TEX36: variants seen among roughly 807,000 people sequenced by gnomAD.
TEX36 encodes the protein testis expressed 36.
TEX36 carries 12 observed loss-of-function variants against 13.6 expected under a neutral mutation model. The observed-to-expected ratio is 0.88, with a 90% CI of 0.56 to 1.43. The LOEUF is 1.43. Among genes scored for constraint, TEX36 ranks in the 40% most tolerant of loss-of-function variants. The pLI, the probability that TEX36 is intolerant of heterozygous loss-of-function variation, is 0.00. For synonymous variants in TEX36, 93 were observed against 83.0 expected, an observed-to-expected ratio of 1.12 and a Z score of -0.65; for missense variants, 224 against 228.3, an observed-to-expected ratio of 0.98 and a Z score of 0.12.
At chr10:125,594,112 G>A (rs1047489548) in intron 3 of TEX36, among the ~76,000 whole-genome samples, 1 of 152,120 alleles carries the variant, frequency 6.6e-6, no homozygotes, top group Non-Finnish European at 1.5e-5. Flanking sequence ...GAAGGACCCA[G>A]CTGCCATCTG....
chr10:125,637,518 C>T (rs1300759021), intron 3 of TEX36, among the ~76,000 whole-genome samples: 1 of 152,050 alleles, frequency 6.6e-6, no homozygotes, highest in African/African-American at 2.4e-5. Flanking sequence ...CACATCTTAG[C>T]GATTGTGAAC....
intron 3 of TEX36, among the ~76,000 whole-genome samples, chr10:125,612,496 T>C (rs145159237): frequency 1.1e-3 from 165 of 152,338 alleles, no homozygotes; most frequent in Non-Finnish European, 2.0e-3. Context: ...TCAGCTAATA[T>C]ACATATATAC....
chr10:125,636,201 GA>G (rs1846621553), intron 3 of TEX36, among the ~76,000 whole-genome samples: 1 of 139,384 alleles, frequency 7.2e-6, no homozygotes, highest in African/African-American at 3.0e-5. Context: ...TGTGTTTGCT[GA>G]ATTTTTTTTT....
At chr10:125,635,544 G>C (rs1417070636) in intron 3 of TEX36, among the ~76,000 whole-genome samples, 2 of 152,188 alleles carry the variant, frequency 1.3e-5, no homozygotes, top group Non-Finnish European at 1.5e-5. Flanking sequence ...CCCTGCAACA[G>C]TGCTCTGCAT....
At chr10:125,617,375 G>T (rs185756650), downstream of TEX36, among the ~76,000 whole-genome samples, 2 of 152,072 alleles carry the variant, frequency 1.3e-5, no homozygotes, top group Admixed American at 6.6e-5. Context: ...CAGTTTCTTC[G>T]TGGTCTTGAT....
intron 3 of TEX36, among the ~76,000 whole-genome samples, chr10:125,579,672 T>G (rs141625315): frequency 5.3e-5 from 8 of 152,216 alleles, no homozygotes; most frequent in African/African-American, 1.7e-4. Context: ...GGGGGTGGAT[T>G]TCCTCCTTGC....
chr10:125,633,652 T>G (rs1846588059), intron 3 of TEX36, among the ~76,000 whole-genome samples: 1 of 152,196 alleles, frequency 6.6e-6, no homozygotes, highest in Non-Finnish European at 1.5e-5. Flanking sequence ...TTTTTCCCAC[T>G]GAACATTATC....
chr10:125,593,532 C>T (rs1467458474), intron 3 of TEX36, among the ~76,000 whole-genome samples: 1 of 152,104 alleles, frequency 6.6e-6, no homozygotes, highest in Non-Finnish European at 1.5e-5. Context: ...TTCAAACAGG[C>T]TAATACATTA....
At chr10:125,634,055 GT>G (rs1225517356) in intron 3 of TEX36, among the ~76,000 whole-genome samples, 1 of 152,058 alleles carries the variant, frequency 6.6e-6, no homozygotes, top group African/African-American at 2.4e-5. Flanking sequence ...CAGGGAGGTT[GT>G]TTCTGGCTTT....
intron 3 of TEX36, among the ~76,000 whole-genome samples, chr10:125,599,598 G>A (rs1030845197): frequency 1.3e-5 from 2 of 152,238 alleles, no homozygotes; most frequent in Non-Finnish European, 2.9e-5. Flanking sequence ...GAAAGATGGC[G>A]CATATGAGCA....
intron 3 of TEX36, among the ~76,000 whole-genome samples, chr10:125,577,102 G>C (rs184087350): frequency 3.9e-5 from 6 of 152,336 alleles, no homozygotes; most frequent in African/African-American, 1.2e-4. Flanking sequence ...CTGACTGGAA[G>C]GATGGGGTAC....
chr10:125,626,657 G>A (rs114055520), intron 3 of TEX36, among the ~76,000 whole-genome samples: 1,574 of 152,288 alleles, frequency 0.01, 22 homozygotes, highest in South Asian at 0.051. Flanking sequence ...AGACACAGAG[G>A]CCATGAAGTG....
At position 125,626,097 on chromosome 10, in the gene TEX36, A is replaced by G. The variant is rs995233433; in HGVS notation, c.265-4452T>C. Among the ~76,000 whole-genome samples, 18 of 151,994 alleles carry G rather than the reference A, an allele frequency of 1.2e-4. 1 individual carries two copies. Among genetic ancestry groups the G allele is most frequent in the Non-Finnish European group, 2.6e-4 (18 of 67,972 alleles). On this transcript the variant is annotated intron_variant, in intron 3 of 3. Transcript: ENST00000526819. ...GGCCATCTTAGCCCAACTCAGGACA[A>G]CTCTGAAGGGCCATTCTAGCTCAGA...
At chr10:125,650,410 C>T (rs1038348512) in intron 3 of TEX36, among the ~76,000 whole-genome samples, 1 of 152,150 alleles carries the variant, frequency 6.6e-6, no homozygotes, top group African/African-American at 2.4e-5. Flanking sequence ...GGGTACATAA[C>T]GAAATGAAGG....
chr10:125,582,990 TA>T (rs1414717452), intron 3 of TEX36, among the ~76,000 whole-genome samples: 2 of 152,372 alleles, frequency 1.3e-5, no homozygotes, highest in African/African-American at 4.8e-5. Flanking sequence ...TGAGTCATGT[TA>T]GACATCTTCT....
intron 3 of TEX36, among the ~76,000 whole-genome samples, chr10:125,648,559 G>C (rs11244595): frequency 0.094 from 14,305 of 152,234 alleles, 1,071 homozygotes; most frequent in East Asian, 0.34. Context: ...GGAGAAACCA[G>C]AGCAGAAAAG....
At chr10:125,587,786 T>TAAAAAAA (rs56198506) in intron 3 of TEX36, among the ~76,000 whole-genome samples, 22 of 101,824 alleles carry the variant, frequency 2.2e-4, no homozygotes, top group South Asian at 3.2e-4. Context: ...GTCTCAAAAT[T>TAAAAAAA]AAAAAAAAAA....
intron 3 of TEX36, among the ~76,000 whole-genome samples, chr10:125,625,698 CCT>C (rs1463063204): frequency 1.3e-5 from 2 of 152,232 alleles, no homozygotes; most frequent in Non-Finnish European, 2.9e-5. Flanking sequence ...CTAGATGCAA[CCT>C]CTCACAGAGA....
At chr10:125,633,365 C>G (rs1161507585) in intron 3 of TEX36, among the ~76,000 whole-genome samples, 1 of 151,682 alleles carries the variant, frequency 6.6e-6, no homozygotes, top group Non-Finnish European at 1.5e-5. Flanking sequence ...TCTTGGGCTA[C>G]AGCTGATTTG....
Sources: allele counts gnomAD v4.1 joint callset (sites outside exome capture counted in the v4.1 genomes callset), GRCh38; gene constraint gnomAD v4.1.1; transcripts MANE v1.5; gene names NCBI Gene and HGNC (gene_info 2026-07-23, HGNC 2026-07-21).